PRPF39: variants seen among roughly 807,000 people sequenced by gnomAD.
PRPF39 encodes pre-mRNA-processing factor 39.
Under a neutral mutation model 82.1 loss-of-function variants are expected in PRPF39, and 27 were observed. The ratio of observed to expected loss-of-function variants is 0.33; its 90% CI spans 0.24 to 0.45. PRPF39 has a LOEUF of 0.45. Among genes scored for constraint, PRPF39 ranks in the 20% least tolerant of loss-of-function variants. The pLI, the probability that PRPF39 is intolerant of heterozygous loss-of-function variation, is 1.00. For missense variants in PRPF39, 581 were observed against 796.9 expected, an observed-to-expected ratio of 0.73 and a Z score of 3.26; for synonymous variants, 261 against 256.4, an observed-to-expected ratio of 1.02 and a Z score of -0.17.
At chr14:45,109,082 C>A (rs964441297) in intron 7 of PRPF39, among the ~76,000 whole-genome samples, 1 of 152,142 alleles carries the variant, frequency 6.6e-6, no homozygotes, top group African/African-American at 2.4e-5. Context: ...CAGCTGCGAC[C>A]CTCTACCCCC....
chr14:45,108,339 T>A, intron 6 of PRPF39, 76 bp from the exon 7 acceptor site: 2 of 1,407,262 alleles, frequency 1.4e-6, no homozygotes. Flanking sequence ...GAATAATACT[T>A]AAATATAAGC....
chr14:45,112,199 T>C (rs1884718377), intron 10 of PRPF39, 119 bp from the exon 11 acceptor site: 1 of 906,806 alleles, frequency 1.1e-6, no homozygotes, highest in Middle Eastern at 3.4e-4. Flanking sequence ...GCATGAGTTG[T>C]ATTTTAATAC....
chr14:45,107,426 A>C, intron 5 of PRPF39, 25 bp from the exon 6 acceptor site: 1 of 1,444,024 alleles, frequency 6.9e-7, no homozygotes, highest in Non-Finnish European at 9.5e-7. Flanking sequence ...ATTCAAATAC[A>C]TATATTTTTA....
chr14:45,097,245 T>C (rs950153770), intron 4 of PRPF39, among the ~76,000 whole-genome samples: 4 of 152,210 alleles, frequency 2.6e-5, no homozygotes, highest in Admixed American at 6.5e-5. Flanking sequence ...GTGTGTGTTC[T>C]TTCAGATATA....
chr14:45,113,373 G>A (rs1338232932), intron 11 of PRPF39, among the ~76,000 whole-genome samples: 1 of 152,214 alleles, frequency 6.6e-6, no homozygotes, highest in African/African-American at 2.4e-5. Flanking sequence ...GCAGTAGAAT[G>A]AGGGTGTAGG....
At chr14:45,098,905 G>A (rs1884285971) in intron 4 of PRPF39, among the ~76,000 whole-genome samples, 1 of 152,166 alleles carries the variant, frequency 6.6e-6, no homozygotes, top group African/African-American at 2.4e-5. Context: ...CTTGTTAAAG[G>A]ATGCTTGGAT....
At position 45,112,514 on chromosome 14, in the gene PRPF39, G is replaced by A; in HGVS notation, c.1757+12G>A. The stretch of plus-strand genomic sequence containing the variant: ...TCCGATGTTAATAAGTAAGATATTA[G>A]TTATATTACCTATTTGAATGATAAA... On this transcript the variant is annotated intron_variant, in intron 11 of 13. Coordinates refer to ENST00000355765, the MANE Select transcript of PRPF39 (RefSeq NM_017922.4). 6.9e-7 allele frequency: 1 copy of A among 1,455,748 alleles called. No homozygotes were observed. Among genetic ancestry groups the A allele is most frequent in the Non-Finnish European group, 9.0e-7 (1 of 1,107,800 alleles). 90.2% of individuals were successfully genotyped at this position (1,455,748 alleles called of 1,614,324 possible).
chr14:45,114,206 A>T lies in PRPF39; in HGVS notation c.1781A>T (p.His594Leu). The T allele has an allele frequency of 6.2e-7, 1 of 1,601,808 alleles. No individual in the cohort carries two copies. The highest frequency in any genetic ancestry group is 8.5e-7 in the Non-Finnish European group (1 of 1,171,886). Residue 594 changes from histidine (H) to leucine (L), a missense_variant, in exon 12 of 14, where the codon CAT becomes CTT. Transcript: ENST00000355765. ...VNKLLNAYDE[H>L]QTLLKEQDSL... Reference sequence around the variant, plus strand: ...AGGCTTCTGAATGCTTATGATGAACATCAAACACTCCTGAAAGAACAGGAT... The same window carrying T: ...AGGCTTCTGAATGCTTATGATGAACTTCAAACACTCCTGAAAGAACAGGAT...
intron 1 of PRPF39, among the ~76,000 whole-genome samples, chr14:45,087,850 G>A (rs1158046039): frequency 1.3e-5 from 2 of 150,850 alleles, no homozygotes; most frequent in African/African-American, 4.9e-5. Context: ...GCCTCCCAAA[G>A]TGCTGGGATT....
At chr14:45,093,113 G>A (rs1452178193) in intron 1 of PRPF39, among the ~76,000 whole-genome samples, 1 of 152,078 alleles carries the variant, frequency 6.6e-6, no homozygotes, top group Non-Finnish European at 1.5e-5. Context: ...ATCTGTGAGT[G>A]CATGTGTGTA....
At chr14:45,098,551 C>A (rs949113599) in intron 4 of PRPF39, among the ~76,000 whole-genome samples, 1 of 151,890 alleles carries the variant, frequency 6.6e-6, no homozygotes, top group African/African-American at 2.4e-5. Flanking sequence ...TCCTCCCCTG[C>A]CCCTCATTTT....
At position 45,115,689 on chromosome 14, in the gene PRPF39, C is replaced by A. The variant is rs1220439520; in HGVS notation, c.*776C>A. ...AGTGGCTCATTGGTTTTGAAGTACA[C>A]CTTTTCTAAATTCAGGTCTTGATCT... On this transcript the variant is annotated 3_prime_UTR_variant, in exon 14 of 14. Transcript: ENST00000355765. The A allele has an allele frequency of 6.6e-6, 1 of 152,524 alleles. No homozygotes were observed. Among genetic ancestry groups the A allele is most frequent in the East Asian group, 1.9e-4 (1 of 5,196 alleles). The allele number at this position is 152,524 out of a possible 1,614,324, so 9.4% of individuals were successfully genotyped here. A position where few individuals can be genotyped will look rare whatever the true frequency, so the allele number is the denominator to read the frequency against.
chr14:45,098,311 C>T (rs1204744064), intron 4 of PRPF39, among the ~76,000 whole-genome samples: 1 of 151,856 alleles, frequency 6.6e-6, no homozygotes. Context: ...GGCATGGTGG[C>T]GCATGCCTGT....
chr14:45,105,504 G>A (rs1016075767), intron 5 of PRPF39, among the ~76,000 whole-genome samples: 16 of 149,690 alleles, frequency 1.1e-4, no homozygotes, highest in African/African-American at 3.2e-4. Flanking sequence ...ATTTAAATTA[G>A]ATTCCAATGT....
chr14:45,097,646 C>T (rs2139046809), intron 4 of PRPF39, among the ~76,000 whole-genome samples: 1 of 152,308 alleles, frequency 6.6e-6, no homozygotes, highest in East Asian at 1.9e-4. Flanking sequence ...CCTCCAGTGG[C>T]ATCTCTTTTA....
rs1333246644 is a variant in PRPF39, at chr14:45,095,501, G to A, written c.262G>A (p.Val88Ile). 2 of 1,613,294 alleles carry A rather than the reference G, an allele frequency of 1.2e-6. No individual in the cohort carries two copies. Among genetic ancestry groups the A allele is most frequent in the Non-Finnish European group, 1.7e-6 (2 of 1,179,634 alleles). The change falls in exon 2 of 14, where the codon GTA (valine) becomes ATA (isoleucine). Residue 88 changes from valine (V) to isoleucine (I), a missense_variant. Physicochemically the swap from Val to Ile is conservative, Grantham distance 29 (BLOSUM62 3). Coordinates refer to ENST00000355765, the MANE Select transcript of PRPF39 (RefSeq NM_017922.4). ...AGAATATGAAAAATTTTGGAAAACT[G>A]TAGAAAATAATCCTCAGGATTTTAC... The part of the protein sequence containing the change: ...PPEYEKFWKT[V>I]ENNPQDFTGW...
intron 7 of PRPF39, 108 bp downstream of exon 7, chr14:45,108,630 T>G (rs139101018): frequency 5.9e-6 from 8 of 1,360,426 alleles, no homozygotes; most frequent in Non-Finnish European, 7.7e-6. Flanking sequence ...TTTTGCATAT[T>G]TAAGCCATAA....
At chr14:45,109,807 T>G in intron 8 of PRPF39, 27 bp downstream of exon 8, 1 of 1,564,886 alleles carries the variant, frequency 6.4e-7, no homozygotes, top group Non-Finnish European at 8.7e-7. Flanking sequence ...CTCTTAAACT[T>G]GAATATATTA....
At chr14:45,109,241 T>C (rs1884630640) in intron 7 of PRPF39, among the ~76,000 whole-genome samples, 1 of 152,226 alleles carries the variant, frequency 6.6e-6, no homozygotes, top group Non-Finnish European at 1.5e-5. Context: ...CAGAACTCTT[T>C]TAGCACTCCA....
Sources: gnomAD v4.1 joint callset for allele counts (sites outside exome capture counted in the v4.1 genomes callset) on GRCh38, gnomAD v4.1.1 for gene constraint, MANE v1.5 for transcripts, NCBI Gene and HGNC (gene_info 2026-07-23, HGNC 2026-07-21) for gene names.